Variants in CSMD1 observed in about 807,000 individuals in gnomAD.
CSMD1 encodes CUB and Sushi multiple domains 1, also known as CUB and sushi domain-containing protein 1.
In CSMD1, 213 loss-of-function variants were observed where a neutral mutation model predicts 417.5. That is an observed-to-expected ratio of 0.51 (90% CI 0.46 to 0.57). The LOEUF is 0.57. CSMD1 is among the 20% of genes least tolerant of loss of function. The pLI, the probability that CSMD1 is intolerant of heterozygous loss-of-function variation, is 0.00. For missense variants in CSMD1, 6,923 were observed against 4,529.7 expected, an observed-to-expected ratio of 1.53 and a Z score of -15.17; for synonymous variants, 2,862 against 1,736.8, an observed-to-expected ratio of 1.65 and a Z score of -16.11.
chr8:4,920,265 T>C (rs1423733862), intron 1 of CSMD1, among the ~76,000 whole-genome samples: 8 of 152,178 alleles, frequency 5.3e-5, no homozygotes, highest in Non-Finnish European at 8.8e-5. Context: ...ATTATACTTA[T>C]GACTGGCTGA....
At chr8:4,915,064 A>G (rs1468324928) in intron 1 of CSMD1, among the ~76,000 whole-genome samples, 2 of 152,228 alleles carry the variant, frequency 1.3e-5, no homozygotes, top group Non-Finnish European at 2.9e-5. Context: ...AATTGAATTA[A>G]ATACACTCGG....
At chr8:3,538,916 A>C (rs556069601) in intron 10 of CSMD1, among the ~76,000 whole-genome samples, 1 of 152,294 alleles carries the variant, frequency 6.6e-6, no homozygotes, top group South Asian at 2.1e-4. Context: ...CATGCTGCAC[A>C]CAGCCGCCAG....
intron 3 of CSMD1, among the ~76,000 whole-genome samples, chr8:4,410,870 A>C (rs746279209): frequency 3.9e-5 from 6 of 152,188 alleles, no homozygotes; most frequent in Non-Finnish European, 8.8e-5. Flanking sequence ...ATAAGTTTGG[A>C]AGGAGGAGGG....
intron 7 of CSMD1, among the ~76,000 whole-genome samples, chr8:3,683,560 G>A (rs773799364): frequency 6.6e-6 from 1 of 152,284 alleles, no homozygotes; most frequent in East Asian, 1.9e-4. Flanking sequence ...GAAACCAAAA[G>A]AAAAATGAAA....
intron 3 of CSMD1, among the ~76,000 whole-genome samples, chr8:4,238,587 C>T (rs1490281104): frequency 6.6e-6 from 1 of 152,188 alleles, no homozygotes; most frequent in African/African-American, 2.4e-5. Context: ...TTACTTAACT[C>T]TAAAGGACTT....
At chr8:3,680,570 A>T (rs955814975) in intron 7 of CSMD1, among the ~76,000 whole-genome samples, 1 of 152,244 alleles carries the variant, frequency 6.6e-6, no homozygotes, top group Non-Finnish European at 1.5e-5. Context: ...AAAAAAGTCC[A>T]GGACCAGATG....
At chr8:3,996,333 C>A (rs1248248524) in intron 5 of CSMD1, among the ~76,000 whole-genome samples, 1 of 152,174 alleles carries the variant, frequency 6.6e-6, no homozygotes, top group East Asian at 1.9e-4. Flanking sequence ...CAATTATTTT[C>A]TGAAAACCAC....
At chr8:3,219,192 G>T in intron 29 of CSMD1, 63 bp downstream of exon 29, 1 of 1,324,874 alleles carries the variant, frequency 7.5e-7, no homozygotes, top group Non-Finnish European at 1.1e-6. Context: ...ACAAAGCAAT[G>T]CCTACAATAA....
At chr8:4,101,373 G>C (rs1376894158) in intron 3 of CSMD1, among the ~76,000 whole-genome samples, 2 of 152,034 alleles carry the variant, frequency 1.3e-5, no homozygotes, top group African/African-American at 4.8e-5. Flanking sequence ...ATTCCATCTG[G>C]GGCCCTGACA....
rs114131274 is a variant in CSMD1, at chr8:3,461,681, G to T, written c.1561+7031C>A. Among the ~76,000 whole-genome samples the T allele has an allele frequency of 1.8e-3, 272 of 152,338 alleles. 2 individuals are homozygous for T. The highest frequency in any genetic ancestry group is 6.3e-3 in the African/African-American group (263 of 41,572). On this transcript the variant is annotated intron_variant, in intron 12 of 69. Transcript: ENST00000635120. The stretch of plus-strand genomic sequence containing the variant: ...GCCCAAGGCCTCACCAGTAATGGAA[G>T]CAGCCATCATCCTTGCAGGAGGACT...
intron 7 of CSMD1, among the ~76,000 whole-genome samples, chr8:3,701,515 T>TG (rs1800867746): frequency 1.3e-5 from 2 of 152,052 alleles, no homozygotes; most frequent in Non-Finnish European, 2.9e-5. Flanking sequence ...AACCTTATTT[T>TG]TTTTTTTTAG....
intron 36 of CSMD1, among the ~76,000 whole-genome samples, chr8:3,184,047 C>T (rs964761483): frequency 6.6e-6 from 1 of 152,062 alleles, no homozygotes; most frequent in Non-Finnish European, 1.5e-5. Context: ...ATCTTAGGAC[C>T]AAATTTCACA....
chr8:4,313,044 A>C (rs1168808270), intron 3 of CSMD1, among the ~76,000 whole-genome samples: 1 of 152,192 alleles, frequency 6.6e-6, no homozygotes, highest in East Asian at 1.9e-4. Context: ...TTTCTATAGA[A>C]TAAACTACAA....
At chr8:4,935,536 C>T (rs1261043531) in intron 1 of CSMD1, among the ~76,000 whole-genome samples, 1 of 152,174 alleles carries the variant, frequency 6.6e-6, no homozygotes. Flanking sequence ...ATGAATACAA[C>T]TCTATAAGGT....
intron 10 of CSMD1, among the ~76,000 whole-genome samples, chr8:3,535,054 T>C (rs967247133): frequency 7.2e-5 from 11 of 152,070 alleles, no homozygotes; most frequent in Admixed American, 2.6e-4. Context: ...CTTAAGCCAG[T>C]CTCCTGCCTC....
intron 2 of CSMD1, among the ~76,000 whole-genome samples, chr8:4,539,461 T>A (rs1797272972): frequency 6.6e-6 from 1 of 152,162 alleles, no homozygotes; most frequent in African/African-American, 2.4e-5. Flanking sequence ...ATCTTTGAAA[T>A]TGTGTGAAAA....
chr8:4,592,387 T>C (rs78171525), intron 2 of CSMD1, among the ~76,000 whole-genome samples: 2,251 of 152,108 alleles, frequency 0.015, 28 homozygotes, highest in Non-Finnish European at 0.023. Context: ...TTTTCCTTGT[T>C]ATCGCTTTGT....
rs369627331 is a variant in CSMD1 at position 3,919,509 on chromosome 8, C to T, written c.818+78394G>A. 1.6e-3 allele frequency among the ~76,000 whole-genome samples: 245 copies of T among 152,222 alleles called. 1 individual carries two copies. Among genetic ancestry groups the T allele is most frequent in the African/African-American group, 5.7e-3 (235 of 41,542 alleles). ...TTGGTCTATGTGTCTGTTTTTATTA[C>T]AGTATCATACTGCTTTTATTACTGA... On this transcript the variant is annotated intron_variant, in intron 5 of 69. Coordinates refer to ENST00000635120, the MANE Select transcript of CSMD1 (RefSeq NM_033225.6).
intron 2 of CSMD1, among the ~76,000 whole-genome samples, chr8:4,592,623 G>C (rs1800049649): frequency 6.6e-6 from 1 of 152,126 alleles, no homozygotes; most frequent in Admixed American, 6.6e-5. Flanking sequence ...CTGATCCCAA[G>C]TGATCCGCCT....
Sources: gnomAD v4.1 joint callset for allele counts (sites outside exome capture counted in the v4.1 genomes callset) on GRCh38, gnomAD v4.1.1 for gene constraint, MANE v1.5 for transcripts, NCBI Gene and HGNC (gene_info 2026-07-23, HGNC 2026-07-21) for gene names.